The following RGS6 variants were observed in gnomAD, a reference collection of about 807,000 sequenced individuals.
The protein encoded by RGS6 is regulator of G-protein signaling 6.
RGS6 carries 30 observed loss-of-function variants against 78.5 expected under a neutral mutation model. The observed-to-expected ratio is 0.38, with a 90% CI of 0.29 to 0.52. RGS6 has a LOEUF of 0.52. Among genes scored for constraint, RGS6 ranks in the 20% least tolerant of loss-of-function variants. The pLI, the probability that RGS6 is intolerant of heterozygous loss-of-function variation, is 0.85. For missense variants in RGS6, 495 were observed against 609.7 expected, an observed-to-expected ratio of 0.81 and a Z score of 1.98; for synonymous variants, 206 against 206.0, an observed-to-expected ratio of 1.00 and a Z score of 0.00.
intron 4 of RGS6, among the ~76,000 whole-genome samples, chr14:72,456,013 A>G (rs1186938579): frequency 6.6e-6 from 1 of 152,202 alleles, no homozygotes; most frequent in Non-Finnish European, 1.5e-5. Context: ...AATGAGCTTC[A>G]GGAATCCTCC....
chr14:72,626,728 A>C, the RGS6 span, among the ~76,000 whole-genome samples: 4 of 152,110 alleles, frequency 2.6e-5, no homozygotes, highest in African/African-American at 9.6e-5. Context: ...AGTTAAGTGC[A>C]TATTAGCTCT....
intron 3 of RGS6, among the ~76,000 whole-genome samples, chr14:72,445,549 G>A (rs567698710): frequency 6.6e-6 from 1 of 151,180 alleles, no homozygotes; most frequent in South Asian, 2.1e-4. Context: ...GGCAGTGTTT[G>A]TAAACTGCCT....
intron 2 of RGS6, among the ~76,000 whole-genome samples, chr14:72,141,746 G>A (rs994727955): frequency 1.3e-5 from 2 of 152,016 alleles, no homozygotes; most frequent in African/African-American, 2.4e-5. Context: ...AGTTCCTCCA[G>A]GATATGGCAT....
chr14:72,206,058 T>G (rs1338592477), intron 2 of RGS6, among the ~76,000 whole-genome samples: 2 of 152,258 alleles, frequency 1.3e-5, no homozygotes, highest in Non-Finnish European at 2.9e-5. Flanking sequence ...GGGGCTTTAT[T>G]GCAGTACTGT....
intron 2 of RGS6, among the ~76,000 whole-genome samples, chr14:72,212,621 T>C (rs2044453789): frequency 1.3e-5 from 2 of 152,216 alleles, no homozygotes; most frequent in African/African-American, 4.8e-5. Flanking sequence ...ATCTCTCCCC[T>C]TTGTGCTTAA....
At chr14:72,373,326 G>A (rs1475358110) in intron 3 of RGS6, among the ~76,000 whole-genome samples, 1 of 152,124 alleles carries the variant, frequency 6.6e-6, no homozygotes, top group African/African-American at 2.4e-5. Context: ...AAAGAGACTA[G>A]GACTTCTGTT....
At chr14:71,936,164 G>C (rs1194349769) in intron 1 of RGS6, among the ~76,000 whole-genome samples, 1 of 150,918 alleles carries the variant, frequency 6.6e-6, no homozygotes, top group African/African-American at 2.4e-5. Flanking sequence ...AACTTACATG[G>C]TCCCAAGGTC....
intron 2 of RGS6, among the ~76,000 whole-genome samples, chr14:72,192,708 A>G (rs565012633): frequency 2.6e-5 from 4 of 152,386 alleles, no homozygotes; most frequent in East Asian, 3.9e-4. Flanking sequence ...TAAAATAAAT[A>G]AAGGCAATAA....
At chr14:72,379,206 A>G (rs1010457414) in intron 3 of RGS6, among the ~76,000 whole-genome samples, 2 of 152,176 alleles carry the variant, frequency 1.3e-5, no homozygotes, top group African/African-American at 4.8e-5. Flanking sequence ...GCCACATATG[A>G]TAAACCCACA....
At chr14:72,446,755 G>A (rs932780979) in intron 3 of RGS6, among the ~76,000 whole-genome samples, 2 of 152,210 alleles carry the variant, frequency 1.3e-5, no homozygotes, top group African/African-American at 4.8e-5. Flanking sequence ...GGGGGTGATG[G>A]GAGACAGGAA....
chr14:72,397,678 C>T (rs972857640), intron 3 of RGS6, among the ~76,000 whole-genome samples: 4 of 152,156 alleles, frequency 2.6e-5, no homozygotes, highest in African/African-American at 7.2e-5. Context: ...ATGATATTGG[C>T]TGTGGGTTTG....
At chr14:72,472,457 G>A (rs781291143) in intron 8 of RGS6, among the ~76,000 whole-genome samples, 4 of 152,180 alleles carry the variant, frequency 2.6e-5, no homozygotes, top group Admixed American at 6.5e-5. Flanking sequence ...ATTTGAACAT[G>A]GAACACTGGC....
At chr14:72,419,802 T>C (rs1309576691) in intron 3 of RGS6, among the ~76,000 whole-genome samples, 2 of 152,210 alleles carry the variant, frequency 1.3e-5, no homozygotes, top group East Asian at 1.9e-4. Flanking sequence ...CTCTGTGGTA[T>C]CAGGGAATGC....
At chr14:71,913,454 C>A in the RGS6 span, among the ~76,000 whole-genome samples, 6,746 of 152,278 alleles carry the variant, frequency 0.044, 209 homozygotes, top group South Asian at 0.066. Context: ...CTCTCACGGT[C>A]TTAGGTTAAC....
chr14:72,268,834 A>G (rs954868278), intron 2 of RGS6, among the ~76,000 whole-genome samples: 6 of 152,234 alleles, frequency 3.9e-5, no homozygotes, highest in Non-Finnish European at 8.8e-5. Flanking sequence ...CACCTGACAC[A>G]TTATCCTGGT....
At chr14:72,303,066 T>C (rs2152417865) in intron 2 of RGS6, among the ~76,000 whole-genome samples, 1 of 152,362 alleles carries the variant, frequency 6.6e-6, no homozygotes, top group Middle Eastern at 3.4e-3. Flanking sequence ...ATTAAACCTC[T>C]TTTTATGTCT....
intron 2 of RGS6, among the ~76,000 whole-genome samples, chr14:72,170,971 T>G (rs1406940221): frequency 3.3e-5 from 5 of 152,216 alleles, no homozygotes; most frequent in Non-Finnish European, 5.9e-5. Flanking sequence ...AGCCAGTATC[T>G]TAAAACCTTC....
intron 2 of RGS6, among the ~76,000 whole-genome samples, chr14:72,292,256 G>A (rs997513660): frequency 7.9e-5 from 12 of 152,174 alleles, no homozygotes; most frequent in Non-Finnish European, 1.3e-4. Context: ...TCCAGCTGTC[G>A]TTTGTTCTCC....
At chr14:72,188,736 G>A (rs192076199) in intron 2 of RGS6, among the ~76,000 whole-genome samples, 2 of 152,286 alleles carry the variant, frequency 1.3e-5, no homozygotes, top group Admixed American at 6.5e-5. Flanking sequence ...ATGGAAAGCG[G>A]TAAAAACTTT....
Sources: allele counts gnomAD v4.1 joint callset (sites outside exome capture counted in the v4.1 genomes callset), GRCh38; gene constraint gnomAD v4.1.1; transcripts MANE v1.5; gene names NCBI Gene and HGNC (gene_info 2026-07-23, HGNC 2026-07-21).